POU6F2: variants seen among roughly 807,000 people sequenced by gnomAD.
POU6F2 encodes the protein POU class 6 homeobox 2.
A neutral mutation model predicts 71.3 loss-of-function variants in POU6F2; 31 were observed. The observed-to-expected ratio is 0.43, with a 90% CI of 0.33 to 0.59. The LOEUF is 0.59. POU6F2 is among the 20% of genes least tolerant of loss of function. POU6F2 has a pLI of 0.04. For missense variants in POU6F2, 783 were observed against 856.8 expected (o/e 0.91, Z 1.07); for synonymous variants, 347 against 355.7 (o/e 0.98, Z 0.27).
At chr7:39,102,777 G>A (rs11760807) in intron 2 of POU6F2, among the ~76,000 whole-genome samples, 40,567 of 152,010 alleles carry the variant, frequency 0.27, 5,701 homozygotes, top group East Asian at 0.56. Context: ...GTGTACTTAC[G>A]TAAATCTAGA....
intron 4 of POU6F2, among the ~76,000 whole-genome samples, chr7:39,242,754 A>G (rs1480113736): frequency 6.6e-6 from 1 of 152,176 alleles, no homozygotes; most frequent in East Asian, 1.9e-4. Context: ...GCCTGCCAGT[A>G]TACTGAAAAT....
Position 39,265,230 on chromosome 7 carries a change from C to T in POU6F2, c.598+57610C>T, listed in dbSNP as rs1054707104. ...ATAGGAAATCCAAGCCTGTGTGATC[C>T]CCCAGGTCTGGGGTGAAGGTGTTTA... is the stretch of plus-strand genomic sequence containing the variant. On this transcript the variant is annotated intron_variant, in intron 4 of 9. Coordinates refer to ENST00000518318, the MANE Select transcript of POU6F2 (RefSeq NM_001370959.1). Among the ~76,000 whole-genome samples the T allele has an allele frequency of 5.3e-5, 8 of 152,104 alleles. No homozygotes were observed. The South Asian group carries it at 6.2e-4, about 12-fold the overall frequency.
intron 2 of POU6F2, among the ~76,000 whole-genome samples, chr7:39,145,060 A>G (rs1045889619): frequency 6.6e-6 from 1 of 152,320 alleles, no homozygotes. Context: ...TTTCATGCCA[A>G]TTTTTTAGTG....
chr7:38,996,044 T>C (rs1195800015), intron 1 of POU6F2, among the ~76,000 whole-genome samples: 1 of 97,580 alleles, frequency 1.0e-5, no homozygotes, highest in Non-Finnish European at 2.5e-5. Context: ...GCTTTTTTTT[T>C]TTTTTTTTTT....
intron 6 of POU6F2, among the ~76,000 whole-genome samples, chr7:39,407,531 C>G (rs1001622557): frequency 6.6e-6 from 1 of 151,424 alleles, no homozygotes; most frequent in African/African-American, 2.4e-5. Flanking sequence ...TACCCTCCAT[C>G]TGAAGGCCTG....
intron 5 of POU6F2, among the ~76,000 whole-genome samples, chr7:39,361,581 G>C (rs1474381221): frequency 6.6e-6 from 1 of 152,200 alleles, no homozygotes; most frequent in Admixed American, 6.5e-5. Flanking sequence ...CTTGCTGCTG[G>C]AAATTATTAT....
At position 39,223,782 on chromosome 7, in the gene POU6F2, C is replaced by G. The variant is rs553774271; in HGVS notation, c.598+16162C>G. Among the ~76,000 whole-genome samples the G allele has an allele frequency of 4.6e-5, 7 of 152,300 alleles. No homozygotes were observed. In the South Asian group the frequency reaches 1.5e-3, roughly 32 times the overall value. ...GCTTTAGCCTAGTGGGAGCTACTCT[C>G]TCATCAGTTTGAAGTATAATGTTTA... On this transcript the variant is annotated intron_variant, in intron 4 of 9. Coordinates refer to ENST00000518318, the MANE Select transcript of POU6F2 (RefSeq NM_001370959.1).
chr7:39,045,565 T>C (rs1412869775), intron 1 of POU6F2, among the ~76,000 whole-genome samples: 2 of 151,904 alleles, frequency 1.3e-5, no homozygotes, highest in African/African-American at 4.8e-5. Context: ...TTAATCTTTA[T>C]TGAGGCATAA....
intron 1 of POU6F2, among the ~76,000 whole-genome samples, chr7:39,045,722 C>T (rs1790279679): frequency 6.6e-6 from 1 of 151,904 alleles, no homozygotes; most frequent in Admixed American, 6.6e-5. Context: ...CAGCCAGTCT[C>T]CACTCCTACC....
At chr7:39,338,503 A>G (rs1340112468) in intron 4 of POU6F2, among the ~76,000 whole-genome samples, 1 of 152,198 alleles carries the variant, frequency 6.6e-6, no homozygotes, top group African/African-American at 2.4e-5. Context: ...AGGACTTGCT[A>G]TCCCAACTGG....
chr7:39,212,702 A>T, intron 4 of POU6F2, among the ~76,000 whole-genome samples: 1 of 152,210 alleles, frequency 6.6e-6, no homozygotes, highest in East Asian at 1.9e-4. Flanking sequence ...AAGAAAGAAG[A>T]TAATTAAGCT....
At chr7:39,030,012 C>G (rs1291823845) in intron 1 of POU6F2, among the ~76,000 whole-genome samples, 1 of 151,994 alleles carries the variant, frequency 6.6e-6, no homozygotes, top group Non-Finnish European at 1.5e-5. Context: ...ATGTCCTAGT[C>G]TGGTTTGATA....
chr7:39,315,201 A>G (rs985167925), intron 4 of POU6F2, among the ~76,000 whole-genome samples: 3 of 152,218 alleles, frequency 2.0e-5, no homozygotes, highest in Admixed American at 6.5e-5. Context: ...CTCTAATTCT[A>G]TCAAACCTAG....
At chr7:39,455,099 T>C (rs548407787) in intron 8 of POU6F2, among the ~76,000 whole-genome samples, 67 of 152,290 alleles carry the variant, frequency 4.4e-4, no homozygotes, top group African/African-American at 1.3e-3. Flanking sequence ...ATATGGTTTT[T>C]ATAAGCAGGG....
At chr7:39,003,288 C>T (rs1232711642) in intron 1 of POU6F2, among the ~76,000 whole-genome samples, 1 of 150,576 alleles carries the variant, frequency 6.6e-6, no homozygotes, top group African/African-American at 2.4e-5. Flanking sequence ...TTCTAAAGTT[C>T]AAAGGCAAAA....
chr7:39,405,710 C>A (rs1292448549), intron 5 of POU6F2, among the ~76,000 whole-genome samples: 3 of 152,178 alleles, frequency 2.0e-5, no homozygotes, highest in African/African-American at 7.2e-5. Context: ...CACACTTCTG[C>A]CTCATGGTCA....
intron 2 of POU6F2, among the ~76,000 whole-genome samples, chr7:39,122,519 C>T (rs1792062026): frequency 6.6e-6 from 1 of 152,112 alleles, no homozygotes; most frequent in Non-Finnish European, 1.5e-5. Flanking sequence ...TAAAAGACAG[C>T]ATGAAGTGTG....
chr7:39,466,933 C>T lies in POU6F2; in HGVS notation c.*2247C>T, dbSNP rs1246988671. The T allele has an allele frequency of 6.6e-6, 1 of 152,178 alleles. No homozygotes were observed. Among genetic ancestry groups the T allele is most frequent in the Non-Finnish European group, 1.5e-5 (1 of 68,026 alleles). The allele number at this position is 152,178 out of a possible 1,614,324, so 9.4% of individuals were successfully genotyped here. On this transcript the variant is annotated 3_prime_UTR_variant, in exon 10 of 10. Transcript: ENST00000518318. ...AGATTTTGGATTCTCCTAGGACCTG[C>T]TCCAAATTCCATCAAGAAAAGCTCC... is the stretch of plus-strand genomic sequence containing the variant.
At chr7:39,309,354 C>T (rs1785113347) in intron 4 of POU6F2, among the ~76,000 whole-genome samples, 1 of 152,204 alleles carries the variant, frequency 6.6e-6, no homozygotes, top group Admixed American at 6.5e-5. Context: ...TCTCTCTTCC[C>T]TCTTCTACCT....
Sources: gnomAD v4.1 joint callset for allele counts (sites outside exome capture counted in the v4.1 genomes callset) on GRCh38, gnomAD v4.1.1 for gene constraint, MANE v1.5 for transcripts, NCBI Gene and HGNC (gene_info 2026-07-23, HGNC 2026-07-21) for gene names.